Variants in APBA2 observed in about 807,000 individuals in gnomAD.
The protein encoded by APBA2 is amyloid-beta A4 precursor protein-binding family A member 2.
APBA2 carries 30 observed loss-of-function variants against 75.0 expected under a neutral mutation model. The observed-to-expected ratio is 0.40, with a 90% CI of 0.30 to 0.54. The LOEUF is 0.54. APBA2 is among the 20% of genes least tolerant of loss of function. The pLI, the probability that APBA2 is intolerant of heterozygous loss-of-function variation, is 0.49. For missense variants in APBA2, 801 were observed against 1,016.1 expected (o/e 0.79, Z 2.88); for synonymous variants, 444 against 409.6 (o/e 1.08, Z -1.01).
At position 29,081,090 on chromosome 15, in the gene APBA2, C is replaced by T. The variant is rs557929899; in HGVS notation, c.1069+4999C>T. Among the ~76,000 whole-genome samples the T allele has an allele frequency of 3.9e-5, 6 of 152,298 alleles. No homozygotes were observed. In the South Asian group the frequency reaches 8.3e-4, roughly 21 times the overall value. On this transcript the variant is annotated intron_variant, in intron 6 of 14. Transcript: ENST00000683413. ...CTGGAGCTGAGCTCACCTATCACCC[C>T]TTCCTTCTCTCAGGGGTCCTCACAG...
At chr15:28,924,723 G>A (rs565416583) in intron 2 of APBA2, among the ~76,000 whole-genome samples, 23 of 152,318 alleles carry the variant, frequency 1.5e-4, no homozygotes, top group Non-Finnish European at 2.4e-4. Context: ...CTGTGAGTGT[G>A]TGTGGATAGT....
intron 3 of APBA2, among the ~76,000 whole-genome samples, chr15:29,011,045 C>G (rs376946711): frequency 6.6e-6 from 1 of 152,200 alleles, no homozygotes; most frequent in Non-Finnish European, 1.5e-5. Flanking sequence ...AGCCACCATT[C>G]TACTTTCCGA....
At chr15:28,943,433 C>T (rs777486463) in intron 2 of APBA2, among the ~76,000 whole-genome samples, 31 of 152,212 alleles carry the variant, frequency 2.0e-4, no homozygotes, top group Non-Finnish European at 4.3e-4. Context: ...CCTGCATCTG[C>T]GACTTCCAAA....
intron 3 of APBA2, among the ~76,000 whole-genome samples, chr15:29,034,706 C>G (rs2040656498): frequency 6.6e-6 from 1 of 152,190 alleles, no homozygotes. Context: ...TGAAGTGTTA[C>G]CCTACAGCAG....
chr15:28,965,294 C>A lies in APBA2; in HGVS notation c.-94-30459C>A, dbSNP rs541260568. Among the ~76,000 whole-genome samples the A allele has an allele frequency of 2.0e-5, 3 of 152,286 alleles. No individual in the cohort carries two copies. In the South Asian group the frequency reaches 6.2e-4, roughly 32 times the overall value. ...ATCAGTTGGGCATATTTGTAGGGAT[C>A]ATTTTTCCTGGGCTCTCTACTCCAT... On this transcript the variant is annotated intron_variant, in intron 2 of 14. Transcript: ENST00000683413.
chr15:29,060,992 G>A (rs1012066535), intron 4 of APBA2, among the ~76,000 whole-genome samples: 1 of 152,108 alleles, frequency 6.6e-6, no homozygotes, highest in Non-Finnish European at 1.5e-5. Context: ...TGTGGACCTG[G>A]CACGTCCTTG....
At chr15:28,903,124 G>A (rs1240955009) in intron 1 of APBA2, among the ~76,000 whole-genome samples, 1 of 152,120 alleles carries the variant, frequency 6.6e-6, no homozygotes, top group Non-Finnish European at 1.5e-5. Flanking sequence ...AGGTTCCATG[G>A]GTCTGATGAT....
chr15:28,893,626 C>T (rs2032280640), intron 1 of APBA2, among the ~76,000 whole-genome samples: 2 of 152,162 alleles, frequency 1.3e-5, no homozygotes, highest in Non-Finnish European at 2.9e-5. Flanking sequence ...AAGATTCTGC[C>T]TGTGAACTTT....
intron 2 of APBA2, among the ~76,000 whole-genome samples, chr15:28,975,242 T>C (rs908677079): frequency 1.3e-5 from 2 of 152,190 alleles, no homozygotes; most frequent in Non-Finnish European, 1.5e-5. Flanking sequence ...TTCAAATCTA[T>C]ATTTTCACAG....
chr15:28,934,434 G>A (rs28722788), intron 2 of APBA2, among the ~76,000 whole-genome samples: 47,909 of 152,074 alleles, frequency 0.32, 12,572 homozygotes, highest in African/African-American at 0.7. Flanking sequence ...GCAGCTCAAC[G>A]CTGGTCTTTC....
intron 9 of APBA2, among the ~76,000 whole-genome samples, chr15:29,099,285 G>A (rs569790851): frequency 4.6e-5 from 7 of 152,318 alleles, no homozygotes. Context: ...TGGGTGGTTT[G>A]GAGGACTGAC....
In APBA2 at chr15:29,065,004, AGT is replaced by A. The variant is rs35524060; in HGVS notation, c.952-9895_952-9894del. 6.2e-3 allele frequency among the ~76,000 whole-genome samples: 921 copies of A among 147,756 alleles called. 10 individuals carry two copies. The highest frequency in any genetic ancestry group is 0.019 in the African/African-American group (779 of 40,610). On this transcript the variant is annotated intron_variant, in intron 4 of 14. Coordinates refer to ENST00000683413, the MANE Select transcript of APBA2 (RefSeq NM_001353788.2). ...GGTGCCAGCAAGCCGAGGTGCTCATAGTGTGTGTGTGTGTGTGTGTGTGCACG... is the reference window on the plus strand; with the variant it reads ...GGTGCCAGCAAGCCGAGGTGCTCATAGTGTGTGTGTGTGTGTGTGTGCACG...
chr15:28,934,086 G>A (rs79912401), intron 2 of APBA2, among the ~76,000 whole-genome samples: 4,883 of 152,058 alleles, frequency 0.032, 256 homozygotes, highest in African/African-American at 0.11. Context: ...TGAAGAGGGG[G>A]CTGGGGAGAA....
intron 1 of APBA2, among the ~76,000 whole-genome samples, chr15:28,897,364 C>T (rs1255448372): frequency 2.6e-5 from 4 of 152,004 alleles, no homozygotes; most frequent in Non-Finnish European, 5.9e-5. Context: ...GCTTGTAATC[C>T]CAGCACTTTG....
intron 14 of APBA2, among the ~76,000 whole-genome samples, 162 bp from the exon 15 acceptor site, chr15:29,116,900 A>ATAAG (rs1049529273): frequency 7.9e-5 from 12 of 152,336 alleles, no homozygotes; most frequent in South Asian, 2.1e-4. Context: ...GGAAGGCATC[A>ATAAG]TAAGTGTCCC....
chr15:28,941,666 G>C (rs2035234524), intron 2 of APBA2, among the ~76,000 whole-genome samples: 1 of 152,240 alleles, frequency 6.6e-6, no homozygotes, highest in Non-Finnish European at 1.5e-5. Flanking sequence ...AGGGAGGCTG[G>C]GTCCCGAGGG....
At chr15:28,909,191 C>T (rs866799510) in intron 1 of APBA2, among the ~76,000 whole-genome samples, 18 of 151,818 alleles carry the variant, frequency 1.2e-4, no homozygotes, top group African/African-American at 4.1e-4. Context: ...GGGGTTTCAC[C>T]GTGTTAGCCA....
At chr15:28,970,866 G>A (rs554164008) in intron 2 of APBA2, among the ~76,000 whole-genome samples, 5 of 152,146 alleles carry the variant, frequency 3.3e-5, no homozygotes, top group African/African-American at 4.8e-5. Flanking sequence ...TCTCAGTGCC[G>A]CTCTTTGCCA....
At chr15:28,941,502 C>CAAAAAAAAA (rs72376564) in intron 2 of APBA2, among the ~76,000 whole-genome samples, 1 of 59,826 alleles carries the variant, frequency 1.7e-5, no homozygotes. Flanking sequence ...ACTTGGGAGG[C>CAAAAAAAAA]AAAAAAAAAA....
Sources: allele counts gnomAD v4.1 joint callset (sites outside exome capture counted in the v4.1 genomes callset), GRCh38; gene constraint gnomAD v4.1.1; transcripts MANE v1.5; gene names NCBI Gene and HGNC (gene_info 2026-07-23, HGNC 2026-07-21).